The following WWOX variants were observed in gnomAD, a reference collection of about 807,000 sequenced individuals.
WWOX encodes the protein WW domain containing oxidoreductase.
A neutral mutation model predicts 46.2 loss-of-function variants in WWOX; 69 were observed. That is an observed-to-expected ratio of 1.49 (90% CI 1.23 to 1.82). The LOEUF is 1.82. Ranked by LOEUF, WWOX falls within the 40% of genes most tolerant of loss-of-function variation. WWOX has a pLI of 0.00. For missense variants in WWOX, 919 were observed against 542.6 expected, an observed-to-expected ratio of 1.69 and a Z score of -6.89; for synonymous variants, 359 against 202.6, an observed-to-expected ratio of 1.77 and a Z score of -6.56.
At chr16:78,162,477 A>G (rs889144524) in intron 4 of WWOX, among the ~76,000 whole-genome samples, 3 of 151,938 alleles carry the variant, frequency 2.0e-5, no homozygotes, top group Non-Finnish European at 2.9e-5. Flanking sequence ...ACATAAATAT[A>G]TATATATATA....
At chr16:78,974,668 G>C (rs75095764) in intron 8 of WWOX, among the ~76,000 whole-genome samples, 1 of 152,164 alleles carries the variant, frequency 6.6e-6, no homozygotes, top group Admixed American at 6.5e-5. Flanking sequence ...CTGAAGAGGA[G>C]GACAGATTAT....
intron 8 of WWOX, among the ~76,000 whole-genome samples, chr16:78,767,697 G>C (rs927831419): frequency 3.9e-5 from 6 of 152,038 alleles, no homozygotes. Flanking sequence ...CAGTGCATCA[G>C]GATTCTAGTT....
intron 4 of WWOX, among the ~76,000 whole-genome samples, chr16:78,120,608 A>G (rs570217347): frequency 6.6e-6 from 1 of 152,266 alleles, no homozygotes; most frequent in Admixed American, 6.5e-5. Context: ...CATGCAGGGA[A>G]TCCCAAAATG....
Position 78,205,336 on chromosome 16 carries a change from G to A in WWOX, c.516+41047G>A, listed in dbSNP as rs77138969. ...ATAAGTTAGGATAGAAAAACTCCAC[G>A]TATCCATATGTCAGTTGGCCCATCT... On this transcript the variant is annotated intron_variant, in intron 5 of 8. Transcript: ENST00000566780. 4.0e-3 allele frequency among the ~76,000 whole-genome samples: 615 copies of A among 152,208 alleles called. 3 individuals carry two copies. The highest frequency in any genetic ancestry group is 6.4e-3 in the Non-Finnish European group (437 of 68,002).
chr16:78,339,741 C>T lies in WWOX; in HGVS notation c.517-47119C>T, dbSNP rs1402694086. 2.6e-5 allele frequency among the ~76,000 whole-genome samples: 3 copies of T among 117,326 alleles called. 1 individual carries two copies. The highest frequency in any genetic ancestry group is 8.6e-5 in the African/African-American group (3 of 34,706). The allele number at this position is 117,326 out of a possible 152,430, so 77.0% of individuals were successfully genotyped here. A position where few individuals can be genotyped will look rare whatever the true frequency, so the allele number is the denominator to read the frequency against. ...CAATTTTGCTTCAGAGTTTTAAATTCTATTTTGTGGCTTTCTGTGTTGTTC... is the reference window on the plus strand; with the variant it reads ...CAATTTTGCTTCAGAGTTTTAAATTTTATTTTGTGGCTTTCTGTGTTGTTC... On this transcript the variant is annotated intron_variant, in intron 5 of 8. Coordinates refer to ENST00000566780, the MANE Select transcript of WWOX (RefSeq NM_016373.4).
At chr16:78,688,689 G>A (rs2047918093) in intron 8 of WWOX, among the ~76,000 whole-genome samples, 1 of 152,114 alleles carries the variant, frequency 6.6e-6, no homozygotes, top group African/African-American at 2.4e-5. Flanking sequence ...TGGGGAAGGG[G>A]CAAGGGATTG....
intron 8 of WWOX, among the ~76,000 whole-genome samples, chr16:78,556,261 TA>T (rs879764844): frequency 0.079 from 9,962 of 126,612 alleles, 638 homozygotes; most frequent in African/African-American, 0.19. Context: ...CCTCCTCCTC[TA>T]AAAAAAAAAA....
At chr16:78,600,717 A>G (rs59895849) in intron 8 of WWOX, among the ~76,000 whole-genome samples, 3,245 of 152,296 alleles carry the variant, frequency 0.021, 101 homozygotes, top group African/African-American at 0.072. Context: ...CAATAGGGCC[A>G]TGAAAGCATA....
intron 8 of WWOX, among the ~76,000 whole-genome samples, chr16:79,171,232 A>C (rs2050693995): frequency 6.6e-6 from 1 of 152,208 alleles, no homozygotes. Context: ...GACGAGGTTT[A>C]GGGGTTGCTC....
rs191546534 is a variant in WWOX at position 78,392,688 on chromosome 16, G to A, written c.605+5740G>A. 2.2e-3 allele frequency among the ~76,000 whole-genome samples: 337 copies of A among 152,220 alleles called. 1 individual carries two copies. Among genetic ancestry groups the A allele is most frequent in the Admixed American group, 4.0e-3 (61 of 15,302 alleles). ...TGTCTCCTGAGTTTCCTGTGAAAGG[G>A]TAGATAACTCAAGAGACTCAATCAA... On this transcript the variant is annotated intron_variant, in intron 6 of 8. Transcript: ENST00000566780.
At chr16:78,613,547 T>C (rs764294137) in intron 8 of WWOX, among the ~76,000 whole-genome samples, 3 of 152,194 alleles carry the variant, frequency 2.0e-5, no homozygotes, top group Non-Finnish European at 4.4e-5. Context: ...ATGCAAATTA[T>C]CTGATGGAAT....
intron 8 of WWOX, among the ~76,000 whole-genome samples, chr16:78,842,099 A>G (rs1038894044): frequency 2.0e-5 from 3 of 152,182 alleles, no homozygotes; most frequent in African/African-American, 7.2e-5. Context: ...GTGTGTTTTG[A>G]ACTGAGATTA....
intron 8 of WWOX, among the ~76,000 whole-genome samples, chr16:79,202,055 CTT>C (rs76088445): frequency 0.23 from 35,461 of 151,770 alleles, 4,698 homozygotes; most frequent in African/African-American, 0.36. Flanking sequence ...GGCCCAGTGC[CTT>C]TTTTTTTATA....
intron 8 of WWOX, among the ~76,000 whole-genome samples, chr16:78,566,996 G>A (rs2044585225): frequency 6.6e-6 from 1 of 152,170 alleles, no homozygotes; most frequent in Non-Finnish European, 1.5e-5. Flanking sequence ...ACTCACATGT[G>A]TGTGCTTTCT....
intron 8 of WWOX, among the ~76,000 whole-genome samples, chr16:78,698,131 T>C (rs2048139284): frequency 6.6e-6 from 1 of 152,238 alleles, no homozygotes; most frequent in Non-Finnish European, 1.5e-5. Flanking sequence ...TCTTGAGGTT[T>C]CTCTTCTATG....
At chr16:78,461,161 G>C (rs567720019) in intron 8 of WWOX, among the ~76,000 whole-genome samples, 1 of 152,158 alleles carries the variant, frequency 6.6e-6, no homozygotes, top group Admixed American at 6.5e-5. Flanking sequence ...TGTGGATACA[G>C]ATTTCACTAT....
chr16:78,351,905 C>T (rs1337020795), intron 5 of WWOX, among the ~76,000 whole-genome samples: 1 of 152,192 alleles, frequency 6.6e-6, no homozygotes, highest in Non-Finnish European at 1.5e-5. Flanking sequence ...GATATGCGCC[C>T]CTCAGCCTCC....
chr16:78,685,006 G>A (rs2047822172), intron 8 of WWOX, among the ~76,000 whole-genome samples: 1 of 152,010 alleles, frequency 6.6e-6, no homozygotes, highest in Non-Finnish European at 1.5e-5. Context: ...TTTTTATTCT[G>A]GGGTGTCCTT....
chr16:78,595,128 G>T (rs1189850419), intron 8 of WWOX, among the ~76,000 whole-genome samples: 2 of 152,186 alleles, frequency 1.3e-5, no homozygotes, highest in African/African-American at 2.4e-5. Context: ...AGAAGACATT[G>T]CAAACCTGCA....
Sources: allele counts gnomAD v4.1 joint callset (sites outside exome capture counted in the v4.1 genomes callset), GRCh38; gene constraint gnomAD v4.1.1; transcripts MANE v1.5; gene names NCBI Gene and HGNC (gene_info 2026-07-23, HGNC 2026-07-21).